CASS4: variants seen among roughly 807,000 people sequenced by gnomAD.
CASS4 encodes cas scaffolding protein family member 4.
Under a neutral mutation model 54.2 loss-of-function variants are expected in CASS4, and 22 were observed. That is an observed-to-expected ratio of 0.41 (90% CI 0.29 to 0.58). The LOEUF is 0.58. Ranked by LOEUF, CASS4 falls within the 20% of genes least tolerant of loss-of-function variation. The pLI is 0.36. For synonymous variants in CASS4, 409 were observed against 391.5 expected (o/e 1.04, Z -0.53); for missense variants, 854 against 986.7 (o/e 0.87, Z 1.80).
At chr20:56,416,886 A>G (rs758286003) in intron 1 of CASS4, among the ~76,000 whole-genome samples, 1 of 152,210 alleles carries the variant, frequency 6.6e-6, no homozygotes, top group Non-Finnish European at 1.5e-5. Context: ...TCCAATATTT[A>G]TACTGTAAGA....
chr20:56,429,923 T>G (rs1318654017), intron 1 of CASS4, among the ~76,000 whole-genome samples: 2 of 152,222 alleles, frequency 1.3e-5, no homozygotes, highest in Non-Finnish European at 2.9e-5. Flanking sequence ...TGTATTTTCT[T>G]TCCATCTCAC....
chr20:56,454,954 TAC>T (rs1981220490), intron 5 of CASS4, among the ~76,000 whole-genome samples: 1 of 152,132 alleles, frequency 6.6e-6, no homozygotes, highest in Non-Finnish European at 1.5e-5. Flanking sequence ...CATTAACCAT[TAC>T]TGAAATGACT....
At position 56,413,057 on chromosome 20, in the gene CASS4, G is replaced by A. The variant is rs561817384; in HGVS notation, c.36+563G>A. ...TTCACTATTTAGAAAGGTGAAAGAA[G>A]CCAGGCACGGTGGTACATACCTGTA... On this transcript the variant is annotated intron_variant, in intron 1 of 5. Transcript: ENST00000679887. Among the ~76,000 whole-genome samples the A allele has an allele frequency of 2.6e-5, 4 of 152,080 alleles. No homozygotes were observed. The South Asian group carries it at 6.2e-4, about 24-fold the overall frequency.
chr20:56,433,546 C>T (rs1320659407), intron 1 of CASS4, among the ~76,000 whole-genome samples: 1 of 152,134 alleles, frequency 6.6e-6, no homozygotes, highest in Non-Finnish European at 1.5e-5. Context: ...ATTTGTGTCC[C>T]TGAAAAACTC....
intron 1 of CASS4, among the ~76,000 whole-genome samples, chr20:56,433,096 G>A (rs890080016): frequency 6.6e-6 from 1 of 152,216 alleles, no homozygotes; most frequent in Non-Finnish European, 1.5e-5. Flanking sequence ...AGAACAAGAG[G>A]GTGTGGCCCT....
chr20:56,443,691 C>G (rs1316337243), intron 2 of CASS4, among the ~76,000 whole-genome samples: 2 of 152,024 alleles, frequency 1.3e-5, no homozygotes, highest in African/African-American at 2.4e-5. Flanking sequence ...GAAGTCTAAG[C>G]GAAGCTGTGT....
chr20:56,454,327 T>C (rs1010381785), intron 5 of CASS4, among the ~76,000 whole-genome samples: 10 of 152,238 alleles, frequency 6.6e-5, no homozygotes, highest in African/African-American at 2.4e-4. Flanking sequence ...AGGAGATAAT[T>C]TGCTACTTTC....
At position 56,456,115 on chromosome 20, in the gene CASS4, C is replaced by T. The variant is rs58686963; in HGVS notation, c.1954-2225C>T. On this transcript the variant is annotated intron_variant, in intron 5 of 5. Coordinates refer to ENST00000679887, the MANE Select transcript of CASS4 (RefSeq NM_020356.4). ...CCCCCGCTTTAGACTGACAGCACTT[C>T]TCAGTGGAGGCCCGGGGCACCGTTG... Among the ~76,000 whole-genome samples the T allele has an allele frequency of 0.015, 2,289 of 152,002 alleles. 129 individuals are homozygous for T. In the East Asian group the frequency reaches 0.22, roughly 15 times the overall value.
intron 3 of CASS4, among the ~76,000 whole-genome samples, chr20:56,449,815 G>A (rs919535424): frequency 4.6e-5 from 7 of 151,968 alleles, no homozygotes; most frequent in African/African-American, 1.7e-4. Context: ...CTTCGTGTCT[G>A]GTCATTAGTG....
Position 56,452,645 on chromosome 20 carries a change from T to TA in CASS4, c.1471dup (p.Arg491LysfsTer16). 21 of 1,614,142 alleles carry TA rather than the reference T, an allele frequency of 1.3e-5. No homozygotes were observed. Among genetic ancestry groups the TA allele is most frequent in the Admixed American group, 1.7e-5 (1 of 60,018 alleles). On this transcript the variant is annotated frameshift_variant, in exon 5 of 6. Transcript: ENST00000679887. LOFTEE classifies it high-confidence loss of function. ...TCCACTGATCACATAGAAGAATCTG[T>TA]AAGAGAATTTCTGGATTTTGCCCGA... is the stretch of plus-strand genomic sequence containing the variant.
At chr20:56,436,336 A>ATGTG (rs35972653) in intron 1 of CASS4, among the ~76,000 whole-genome samples, 5,783 of 142,394 alleles carry the variant, frequency 0.041, 400 homozygotes, top group African/African-American at 0.14. Context: ...TGCTATATAT[A>ATGTG]TGTGTGTGTG....
chr20:56,419,780 T>C (rs1979328866), intron 1 of CASS4, among the ~76,000 whole-genome samples: 1 of 148,382 alleles, frequency 6.7e-6, no homozygotes, highest in Non-Finnish European at 1.5e-5. Context: ...CAGTGGCTCA[T>C]GCCTGTAATC....
intron 1 of CASS4, among the ~76,000 whole-genome samples, chr20:56,420,556 T>TC (rs1491559047): frequency 1.3e-5 from 1 of 79,944 alleles, no homozygotes; most frequent in Non-Finnish European, 2.0e-5. Flanking sequence ...GCCCATCTAA[T>TC]TTTTTTTTTT....
At chr20:56,431,484 T>A (rs756216760) in intron 1 of CASS4, among the ~76,000 whole-genome samples, 5 of 152,236 alleles carry the variant, frequency 3.3e-5, no homozygotes, top group African/African-American at 1.2e-4. Flanking sequence ...TATGGCAACA[T>A]ATTTAGAGTT....
Position 56,430,558 on chromosome 20 carries a change from G to A in CASS4, c.37-6606G>A, listed in dbSNP as rs890672655. On this transcript the variant is annotated intron_variant, in intron 1 of 5. Coordinates refer to ENST00000679887, the MANE Select transcript of CASS4 (RefSeq NM_020356.4). The surrounding 1 kb of genome is among the most constrained non-coding windows in gnomAD (Gnocchi z 4.2). ...TCAGCAACCATTGCAATGGTTACTGGATGCCTTTGGAGTGGCCTGTCAACT... is the reference window on the plus strand; with the variant it reads ...TCAGCAACCATTGCAATGGTTACTGAATGCCTTTGGAGTGGCCTGTCAACT... Among the ~76,000 whole-genome samples the A allele has an allele frequency of 5.9e-5, 9 of 152,160 alleles. No individual in the cohort carries two copies. The highest frequency in any genetic ancestry group is 2.0e-4 in the Admixed American group (3 of 15,278).
chr20:56,438,599 C>T (rs1418175793), intron 2 of CASS4, among the ~76,000 whole-genome samples: 1 of 152,164 alleles, frequency 6.6e-6, no homozygotes, highest in Non-Finnish European at 1.5e-5. Context: ...TGGCTCATTC[C>T]TGTAATCCCA....
rs1251372011 is a variant in CASS4, at chr20:56,414,165, C to A, written c.36+1671C>A. ...TCTAATTCACGTTGATTTAATAATG[C>A]CATTCTACTATTCAGTCCACATTCA... is the stretch of plus-strand genomic sequence containing the variant. On this transcript the variant is annotated intron_variant, in intron 1 of 5. Coordinates refer to ENST00000679887, the MANE Select transcript of CASS4 (RefSeq NM_020356.4). This position sits in a 1 kb window ranked among gnomAD's most constrained non-coding sequence, Gnocchi z 4.1. 6.6e-6 allele frequency among the ~76,000 whole-genome samples: 1 copy of A among 152,152 alleles called. No homozygotes were observed. Among genetic ancestry groups the A allele is most frequent in the African/African-American group, 2.4e-5 (1 of 41,422 alleles).
chr20:56,426,303 A>G (rs1979634515), intron 1 of CASS4, among the ~76,000 whole-genome samples: 1 of 152,178 alleles, frequency 6.6e-6, no homozygotes, highest in African/African-American at 2.4e-5. Context: ...CTGCTTCATA[A>G]GGTTTTTGAA....
rs111905657 is a variant in CASS4, at chr20:56,444,284, C to T, written c.460-1616C>T. 2.3e-4 allele frequency among the ~76,000 whole-genome samples: 35 copies of T among 152,208 alleles called. 1 individual carries two copies. The highest frequency in any genetic ancestry group is 8.4e-4 in the African/African-American group (35 of 41,538). On this transcript the variant is annotated intron_variant, in intron 2 of 5. Transcript: ENST00000679887. The stretch of plus-strand genomic sequence containing the variant: ...AGAAACTGCTCCTCTGCCTGCGTTC[C>T]CCTCCCTCAGCTCTGCATATTGAAA...
Sources: gnomAD v4.1 joint callset for allele counts (sites outside exome capture counted in the v4.1 genomes callset) on GRCh38, gnomAD v4.1.1 for gene constraint, Gnocchi (gnomAD v3.1) non-coding constraint, MANE v1.5 for transcripts, NCBI Gene and HGNC (gene_info 2026-07-23, HGNC 2026-07-21) for gene names.